The following GRIK1 variants were observed in gnomAD, a reference collection of about 807,000 sequenced individuals.
GRIK1 encodes glutamate receptor ionotropic, kainate 1.
A neutral mutation model predicts 105.7 loss-of-function variants in GRIK1; 69 were observed. The observed-to-expected ratio is 0.65, with a 90% CI of 0.54 to 0.80. The LOEUF (loss-of-function observed/expected upper bound fraction) is 0.80, where lower values mean the gene tolerates loss of function less well. GRIK1 is among the 30% of genes least tolerant of loss of function. GRIK1 has a pLI of 0.00. For synonymous variants in GRIK1, 438 were observed against 431.3 expected (o/e 1.02, Z -0.19); for missense variants, 1,109 against 1,167.3 (o/e 0.95, Z 0.73).
intron 14 of GRIK1, among the ~76,000 whole-genome samples, chr21:29,570,627 C>T (rs1020494279): frequency 6.6e-6 from 1 of 152,140 alleles, no homozygotes; most frequent in Non-Finnish European, 1.5e-5. Context: ...AAGAATTTCC[C>T]AAAACATCTC....
At chr21:29,546,739 C>T (rs1015972292) in intron 16 of GRIK1, among the ~76,000 whole-genome samples, 1 of 152,206 alleles carries the variant, frequency 6.6e-6, no homozygotes, top group Non-Finnish European at 1.5e-5. Flanking sequence ...CTTACATATT[C>T]AATGAAACAT....
At chr21:29,615,718 A>T (rs1038794363) in intron 7 of GRIK1, among the ~76,000 whole-genome samples, 2 of 152,260 alleles carry the variant, frequency 1.3e-5, no homozygotes, top group African/African-American at 2.4e-5. Flanking sequence ...ATTTCAGAAG[A>T]TGCAAAAATG....
intron 1 of GRIK1, among the ~76,000 whole-genome samples, chr21:29,817,416 T>A (rs2067183561): frequency 6.6e-6 from 1 of 152,140 alleles, no homozygotes; most frequent in African/African-American, 2.4e-5. Context: ...TTAATAATAG[T>A]AAATTGTTAG....
chr21:29,599,757 T>TC (rs1231720176), intron 7 of GRIK1, among the ~76,000 whole-genome samples: 1 of 152,106 alleles, frequency 6.6e-6, no homozygotes, highest in Non-Finnish European at 1.5e-5. Context: ...TCCACTGCGC[T>TC]CCAGGAGCCT....
At chr21:29,832,397 C>T (rs1274705328) in intron 1 of GRIK1, among the ~76,000 whole-genome samples, 1 of 152,170 alleles carries the variant, frequency 6.6e-6, no homozygotes, top group African/African-American at 2.4e-5. Context: ...CTCTACATTG[C>T]CCTAGTAGAA....
intron 1 of GRIK1, among the ~76,000 whole-genome samples, chr21:29,872,303 C>T (rs368683437): frequency 1.3e-5 from 2 of 151,652 alleles, no homozygotes; most frequent in East Asian, 3.9e-4. Flanking sequence ...ACGCCATTCT[C>T]CTGCCTCAGC....
chr21:29,668,368 T>G (rs1412510513), intron 4 of GRIK1, among the ~76,000 whole-genome samples: 1 of 152,178 alleles, frequency 6.6e-6, no homozygotes, highest in Non-Finnish European at 1.5e-5. Flanking sequence ...GAGATATTCA[T>G]GAAGACTTAG....
At chr21:29,604,497 T>C (rs1471652673) in intron 7 of GRIK1, among the ~76,000 whole-genome samples, 1 of 152,174 alleles carries the variant, frequency 6.6e-6, no homozygotes, top group Non-Finnish European at 1.5e-5. Context: ...AGGGTGAATA[T>C]GCAATGACTA....
rs1310373513 is a variant in GRIK1 at position 29,537,076 on chromosome 21, G to T, written c.*154C>A. ...GTCACTTCCCAAGTCATATCTATGT[G>T]AGCTTTTTAAACTTTTGTATTTCTT... On this transcript the variant is annotated 3_prime_UTR_variant, in exon 18 of 18. Coordinates refer to ENST00000327783, the MANE Select transcript of GRIK1 (RefSeq NM_001330994.2). 7.1e-6 allele frequency: 3 copies of T among 424,732 alleles called. No individual in the cohort carries two copies. In the East Asian group the frequency reaches 1.1e-4, roughly 15 times the overall value. 26.3% of individuals were successfully genotyped at this position (424,732 alleles called of 1,614,324 possible).
chr21:29,760,344 C>G (rs2065476232), intron 1 of GRIK1: 1 of 152,224 alleles, frequency 6.6e-6, no homozygotes, highest in Admixed American at 6.5e-5. Flanking sequence ...TGGCAATTTC[C>G]AAGGGGACCT....
At chr21:29,637,273 CT>C (rs2062415357) in intron 7 of GRIK1, among the ~76,000 whole-genome samples, 1 of 152,230 alleles carries the variant, frequency 6.6e-6, no homozygotes, top group Non-Finnish European at 1.5e-5. Flanking sequence ...TAGAAACCTT[CT>C]TCTTTCCAGA....
At chr21:29,898,543 C>A (rs1449658719) in intron 1 of GRIK1, among the ~76,000 whole-genome samples, 3 of 152,106 alleles carry the variant, frequency 2.0e-5, no homozygotes, top group African/African-American at 7.2e-5. Context: ...TAGAAGATTC[C>A]ATCTGGAAAA....
At chr21:29,727,407 A>C (rs1168542532) in intron 1 of GRIK1, among the ~76,000 whole-genome samples, 1 of 152,180 alleles carries the variant, frequency 6.6e-6, no homozygotes, top group Non-Finnish European at 1.5e-5. Flanking sequence ...ATGGTACTGT[A>C]TATTGACAAT....
chr21:29,881,786 G>A (rs78905715), intron 1 of GRIK1, among the ~76,000 whole-genome samples: 21,694 of 152,072 alleles, frequency 0.14, 1,665 homozygotes, highest in Non-Finnish European at 0.18. Context: ...TGATATAAAA[G>A]ACTTTTTATA....
At chr21:29,591,278 A>G (rs2061330805) in intron 9 of GRIK1, 53 bp from the exon 10 acceptor site, 5 of 1,034,540 alleles carry the variant, frequency 4.8e-6, no homozygotes, top group Non-Finnish European at 6.1e-6. Context: ...TGGCATTTAC[A>G]CCAAAGAGAG....
At chr21:29,670,876 C>T (rs2063148658) in intron 4 of GRIK1, among the ~76,000 whole-genome samples, 1 of 152,190 alleles carries the variant, frequency 6.6e-6, no homozygotes, top group African/African-American at 2.4e-5. Flanking sequence ...ACACTACTGC[C>T]ACATGCTTAC....
chr21:29,559,466 A>G (rs544747335), intron 15 of GRIK1, among the ~76,000 whole-genome samples: 1 of 152,206 alleles, frequency 6.6e-6, no homozygotes, highest in Non-Finnish European at 1.5e-5. Flanking sequence ...ACACTTCACT[A>G]GCGATATTAG....
intron 1 of GRIK1, among the ~76,000 whole-genome samples, chr21:29,759,549 G>T (rs1378051889): frequency 6.6e-6 from 1 of 152,122 alleles, no homozygotes; most frequent in African/African-American, 2.4e-5. Flanking sequence ...TAAGTCTTTG[G>T]AATCATAGAT....
intron 1 of GRIK1, among the ~76,000 whole-genome samples, chr21:29,834,325 A>T (rs567632696): frequency 1.5e-3 from 225 of 148,468 alleles, no homozygotes; most frequent in African/African-American, 3.4e-3. Flanking sequence ...TATATATATA[A>T]AAATATATAT....
Sources: gnomAD v4.1 joint callset for allele counts (sites outside exome capture counted in the v4.1 genomes callset) on GRCh38, gnomAD v4.1.1 for gene constraint, MANE v1.5 for transcripts, NCBI Gene and HGNC (gene_info 2026-07-23, HGNC 2026-07-21) for gene names.